The following CD84 variants were observed in gnomAD, a reference collection of about 807,000 sequenced individuals.
The protein encoded by CD84 is CD84 molecule, also known as SLAM family member 5.
CD84 carries 22 observed loss-of-function variants against 33.8 expected under a neutral mutation model. The observed-to-expected ratio is 0.65, with a 90% CI of 0.46 to 0.93. The LOEUF (loss-of-function observed/expected upper bound fraction) is 0.93. CD84 is among the 40% of genes least tolerant of loss of function. The pLI is 0.00. For missense variants in CD84, 400 were observed against 397.6 expected, an observed-to-expected ratio of 1.01 and a Z score of -0.05; for synonymous variants, 154 against 145.2, an observed-to-expected ratio of 1.06 and a Z score of -0.44.
intron 2 of CD84, among the ~76,000 whole-genome samples, chr1:160,557,141 C>T (rs533609963): frequency 2.0e-5 from 3 of 152,188 alleles, no homozygotes; most frequent in South Asian, 2.1e-4. Context: ...CCATCAATTA[C>T]GATCTACATT....
At chr1:160,577,788 A>G (rs1658065156) in intron 1 of CD84, among the ~76,000 whole-genome samples, 1 of 152,198 alleles carries the variant, frequency 6.6e-6, no homozygotes, top group African/African-American at 2.4e-5. Flanking sequence ...TCTCAAAACA[A>G]TTCTACTGTA....
chr1:160,551,750 G>T (rs1656244066), intron 4 of CD84, among the ~76,000 whole-genome samples: 1 of 152,138 alleles, frequency 6.6e-6, no homozygotes, highest in African/African-American at 2.4e-5. Flanking sequence ...TCACCATGTT[G>T]CCCAGGTTGG....
rs1392172599 is a variant in CD84, at chr1:160,541,684, G to A, written c.*6572C>T. On this transcript the variant is annotated 3_prime_UTR_variant, in exon 7 of 7. Transcript: ENST00000368054. ...CATGGGAGGATTTGGTGGGTGTGTG[G>A]GCCCATGATAATTCTGTGTGGCTGG... The A allele has an allele frequency of 1.3e-5, 2 of 152,258 alleles. No homozygotes were observed. Among genetic ancestry groups the A allele is most frequent in the Non-Finnish European group, 2.9e-5 (2 of 68,096 alleles). The allele number at this position is 152,258 out of a possible 1,614,324, so 9.4% of individuals were successfully genotyped here. A position where few individuals can be genotyped will look rare whatever the true frequency, so the allele number is the denominator to read the frequency against.
intron 2 of CD84, among the ~76,000 whole-genome samples, chr1:160,564,102 C>T (rs1657168255): frequency 2.0e-5 from 3 of 152,142 alleles, no homozygotes; most frequent in Admixed American, 1.3e-4. Flanking sequence ...CTTGGGGTAG[C>T]TTGCAAAACA....
intron 1 of CD84, among the ~76,000 whole-genome samples, chr1:160,572,205 G>GT (rs1358063033): frequency 1.3e-5 from 2 of 152,070 alleles, no homozygotes; most frequent in Admixed American, 6.6e-5. Flanking sequence ...TTATAGAATT[G>GT]TTTTGAGGAC....
chr1:160,549,953 C>G lies in CD84; in HGVS notation c.885G>C (p.Val295=). ...SKVLPSKEEP[V]NTVYSEVQFA... ...ACTGCACTTCGGAATAAACTGTGTT[C>G]ACTGGCTCTTCCTTGGAGGGAAGCA... The change falls in exon 6 of 7, where the codon GTG becomes GTC. Residue 295 remains valine (V), a synonymous_variant. Transcript: ENST00000368054. 6.2e-7 allele frequency: 1 copy of G among 1,613,036 alleles called. No individual in the cohort carries two copies. The highest frequency in any genetic ancestry group is 8.5e-7 in the Non-Finnish European group (1 of 1,179,048).
At chr1:160,559,242 T>C (rs964918322) in intron 2 of CD84, among the ~76,000 whole-genome samples, 4 of 152,164 alleles carry the variant, frequency 2.6e-5, no homozygotes, top group South Asian at 2.1e-4. Context: ...AAAGGCCAGG[T>C]CACCTACAAA....
At chr1:160,569,517 TACACAC>T (rs140655590) in intron 1 of CD84, among the ~76,000 whole-genome samples, 3,895 of 147,926 alleles carry the variant, frequency 0.026, 100 homozygotes, top group African/African-American at 0.064. Context: ...GGAAATAAGA[TACACAC>T]ACACACACAC....
chr1:160,579,427 T>G lies in CD84; in HGVS notation c.11A>C (p.His4Pro). The G allele has an allele frequency of 6.2e-7, 1 of 1,613,220 alleles. No homozygotes were observed. Among genetic ancestry groups the G allele is most frequent in the Non-Finnish European group, 8.5e-7 (1 of 1,179,412 alleles). The stretch of plus-strand genomic sequence containing the variant: ...GCAAAGGAGCAAGATCCATAGGTGG[T>G]GCTGAGCCATCTCTTTCAGGGTCTA... MAQ[H>P]HLWILLLCLQ... The change falls in exon 1 of 7, where the codon CAC (histidine) becomes CCC (proline). Residue 4 changes from histidine (H) to proline (P), a missense_variant. Physicochemically the swap from His to Pro is moderately conservative, Grantham distance 77 (BLOSUM62 -2). Coordinates refer to ENST00000368054, the MANE Select transcript of CD84 (RefSeq NM_003874.4).
intron 1 of CD84, 29 bp from the exon 2 acceptor site, chr1:160,565,774 A>G (rs996172697): frequency 1.3e-6 from 2 of 1,513,004 alleles, no homozygotes; most frequent in Non-Finnish European, 1.8e-6. Flanking sequence ...AACTGTAGCC[A>G]TCTGACTGTT....
At position 160,545,375 on chromosome 1, in the gene CD84, G is replaced by A. The variant is rs748277083; in HGVS notation, c.*2881C>T. ...GGAATGAGTCTTCAACGCATCCACA[G>A]AGTGAGGAGTGGTTTTATTTTAGGA... On this transcript the variant is annotated 3_prime_UTR_variant, in exon 7 of 7. Coordinates refer to ENST00000368054, the MANE Select transcript of CD84 (RefSeq NM_003874.4). The A allele has an allele frequency of 2.0e-5, 3 of 152,262 alleles. No homozygotes were observed. In the East Asian group the frequency reaches 5.8e-4, roughly 29 times the overall value. 9.4% of individuals were successfully genotyped at this position (152,262 alleles called of 1,614,324 possible).
rs10527741 is a variant in CD84, at chr1:160,543,602, TTTATTA to T, written c.*4648_*4653del. 2.0e-3 allele frequency: 280 copies of T among 142,708 alleles called. 1 individual carries two copies. Among genetic ancestry groups the T allele is most frequent in the African/African-American group, 6.7e-3 (260 of 38,804 alleles). 8.8% of individuals were successfully genotyped at this position (142,708 alleles called of 1,614,324 possible). On this transcript the variant is annotated 3_prime_UTR_variant, in exon 7 of 7. Transcript: ENST00000368054. ...ATCTTCAAGGAGCTCTCCATTATTA[TTTATTA>T]TTATTATTATTATTATTATTATTTA...
intron 6 of CD84, among the ~76,000 whole-genome samples, chr1:160,549,614 G>A (rs1000884962): frequency 6.6e-6 from 1 of 152,178 alleles, no homozygotes; most frequent in African/African-American, 2.4e-5. Context: ...CTGTGAGCTA[G>A]CAGTGACCCC....
intron 1 of CD84, among the ~76,000 whole-genome samples, chr1:160,567,173 G>A (rs1294146438): frequency 6.6e-6 from 1 of 152,214 alleles, no homozygotes; most frequent in Admixed American, 6.5e-5. Context: ...TTCCACATAA[G>A]TGGGTTCAGG....
intron 1 of CD84, among the ~76,000 whole-genome samples, chr1:160,566,665 T>C (rs888854746): frequency 6.6e-6 from 1 of 152,192 alleles, no homozygotes; most frequent in African/African-American, 2.4e-5. Context: ...AAGATACCAA[T>C]GTTGATCAGA....
chr1:160,553,859 T>C (rs1230301540), intron 3 of CD84, 36 bp downstream of exon 3: 1 of 1,613,860 alleles, frequency 6.2e-7, no homozygotes, highest in African/African-American at 1.3e-5. Context: ...GAGTGATCTC[T>C]GAGACTCACC....
rs910677613 is a variant in CD84 at position 160,543,986 on chromosome 1, C to T, written c.*4270G>A. On this transcript the variant is annotated 3_prime_UTR_variant, in exon 7 of 7. Coordinates refer to ENST00000368054, the MANE Select transcript of CD84 (RefSeq NM_003874.4). ...TAAAAGGTAGGCACTATTATTATCC[C>T]CATTTTACAGATGGACAACCTGAGG... 1.3e-5 allele frequency: 2 copies of T among 151,970 alleles called. No individual in the cohort carries two copies. Among genetic ancestry groups the T allele is most frequent in the African/African-American group, 4.8e-5 (2 of 41,340 alleles). 9.4% of individuals were successfully genotyped at this position (151,970 alleles called of 1,614,324 possible).
chr1:160,547,897 A>G lies in CD84; in HGVS notation c.*359T>C, dbSNP rs1655926709. 2 of 276,682 alleles carry G rather than the reference A, an allele frequency of 7.2e-6. No homozygotes were observed. Among genetic ancestry groups the G allele is most frequent in the South Asian group, 7.9e-5 (2 of 25,262 alleles). 17.1% of individuals were successfully genotyped at this position (276,682 alleles called of 1,614,324 possible). A position where few individuals can be genotyped will look rare whatever the true frequency, so the allele number is the denominator to read the frequency against. On this transcript the variant is annotated 3_prime_UTR_variant, in exon 7 of 7. Transcript: ENST00000368054. The stretch of plus-strand genomic sequence containing the variant: ...GGCAGGGTTGTTACCTCCAGTCACA[A>G]GAGGCCTCTAGTCATATGCAGCTTC...
chr1:160,568,879 C>A (rs1171786356), intron 1 of CD84, among the ~76,000 whole-genome samples: 1 of 152,166 alleles, frequency 6.6e-6, no homozygotes, highest in Non-Finnish European at 1.5e-5. Context: ...CCTCAGCCTC[C>A]CAAAATGCTG....
Sources: gnomAD v4.1 joint callset for allele counts (sites outside exome capture counted in the v4.1 genomes callset) on GRCh38, gnomAD v4.1.1 for gene constraint, MANE v1.5 for transcripts, NCBI Gene and HGNC (gene_info 2026-07-23, HGNC 2026-07-21) for gene names.